The following SORCS1 variants were observed in gnomAD, a reference collection of about 807,000 sequenced individuals.
SORCS1 encodes the protein sortilin related VPS10 domain containing receptor 1, also known as VPS10 domain-containing receptor SorCS1.
SORCS1 carries 60 observed loss-of-function variants against 146.1 expected under a neutral mutation model. The observed-to-expected ratio is 0.41, with a 90% CI of 0.33 to 0.51. The LOEUF is 0.51. Ranked by LOEUF, SORCS1 falls within the 20% of genes least tolerant of loss-of-function variation. SORCS1 has a pLI of 0.21. For missense variants in SORCS1, 1,352 were observed against 1,487.6 expected, an observed-to-expected ratio of 0.91 and a Z score of 1.50; for synonymous variants, 637 against 584.0, an observed-to-expected ratio of 1.09 and a Z score of -1.31.
intron 1 of SORCS1, among the ~76,000 whole-genome samples, chr10:107,012,533 T>TG (rs1564924835): frequency 6.6e-6 from 1 of 152,220 alleles, no homozygotes; most frequent in African/African-American, 2.4e-5. Flanking sequence ...ATGAGAAAGA[T>TG]ATCATCATCC....
At chr10:106,928,452 C>T (rs778471812) in intron 2 of SORCS1, among the ~76,000 whole-genome samples, 16 of 152,226 alleles carry the variant, frequency 1.1e-4, no homozygotes, top group African/African-American at 1.9e-4. Flanking sequence ...CCGAGCACAG[C>T]CCCGGTTTCC....
chr10:107,026,342 G>A (rs1031003231), intron 1 of SORCS1, among the ~76,000 whole-genome samples: 3 of 152,130 alleles, frequency 2.0e-5, no homozygotes. Flanking sequence ...GGTTTTGGCC[G>A]GGCATGGTGG....
At chr10:106,607,360 GT>G in intron 22 of SORCS1, 63 bp from the exon 23 acceptor site, 1 of 1,593,264 alleles carries the variant, frequency 6.3e-7, no homozygotes, top group African/African-American at 1.3e-5. Flanking sequence ...AAGGGACCAA[GT>G]ATTTGGTGGG....
chr10:106,814,388 A>C (rs1020100186), intron 3 of SORCS1, among the ~76,000 whole-genome samples: 2 of 152,226 alleles, frequency 1.3e-5, no homozygotes, highest in African/African-American at 4.8e-5. Flanking sequence ...CAGACAAGAA[A>C]ACTGGAGCAA....
intron 21 of SORCS1, among the ~76,000 whole-genome samples, chr10:106,617,505 ATTTTT>A (rs11352515): frequency 1.3e-4 from 20 of 152,004 alleles, no homozygotes; most frequent in Middle Eastern, 3.4e-3. Flanking sequence ...TCCATCAAGT[ATTTTT>A]TTTATTTCCA....
chr10:107,086,113 C>T (rs185833978), intron 1 of SORCS1, among the ~76,000 whole-genome samples: 2 of 152,156 alleles, frequency 1.3e-5, no homozygotes, highest in South Asian at 4.1e-4. Flanking sequence ...TGTGTAATCT[C>T]GTCTAAGCAC....
At chr10:106,641,743 G>C (rs180746098) in intron 18 of SORCS1, among the ~76,000 whole-genome samples, 1 of 152,100 alleles carries the variant, frequency 6.6e-6, no homozygotes, top group East Asian at 1.9e-4. Flanking sequence ...TAGTTTACTG[G>C]CGGATGCCAA....
intron 1 of SORCS1, among the ~76,000 whole-genome samples, chr10:107,082,084 G>A (rs1202358371): frequency 1.3e-5 from 2 of 152,194 alleles, no homozygotes; most frequent in African/African-American, 2.4e-5. Context: ...AATTTGTTGT[G>A]AATAGCCTAG....
At chr10:107,128,286 G>A (rs1966823314) in intron 1 of SORCS1, among the ~76,000 whole-genome samples, 1 of 152,122 alleles carries the variant, frequency 6.6e-6, no homozygotes, top group Non-Finnish European at 1.5e-5. Context: ...AAAGAAACAA[G>A]AGATTAAAGT....
At chr10:106,719,182 G>A (rs1855603712) in intron 6 of SORCS1, among the ~76,000 whole-genome samples, 1 of 152,160 alleles carries the variant, frequency 6.6e-6, no homozygotes, top group South Asian at 2.1e-4. Flanking sequence ...AAGCAAGCAA[G>A]AATGAAAAGT....
intron 2 of SORCS1, among the ~76,000 whole-genome samples, chr10:106,898,198 A>C (rs1951559749): frequency 6.6e-6 from 1 of 152,210 alleles, no homozygotes; most frequent in South Asian, 2.1e-4. Context: ...AACTGTCTCC[A>C]TGTTTCTAAT....
At chr10:106,727,076 ACT>A (rs1023025302) in intron 6 of SORCS1, among the ~76,000 whole-genome samples, 7 of 144,516 alleles carry the variant, frequency 4.8e-5, no homozygotes, top group Admixed American at 1.4e-4. Context: ...ACAGAGCGAG[ACT>A]CTGTCTCAAA....
intron 21 of SORCS1, among the ~76,000 whole-genome samples, chr10:106,617,505 ATTT>A (rs11352515): frequency 6.6e-6 from 1 of 151,886 alleles, no homozygotes; most frequent in Non-Finnish European, 1.5e-5. Context: ...TCCATCAAGT[ATTT>A]TTTTTATTTC....
chr10:106,872,747 A>G (rs533675389), intron 2 of SORCS1, among the ~76,000 whole-genome samples: 2 of 152,310 alleles, frequency 1.3e-5, no homozygotes, highest in South Asian at 4.1e-4. Flanking sequence ...TGAGGTACCA[A>G]AAGACAAAAT....
At chr10:106,818,785 A>G (rs1947871159) in intron 3 of SORCS1, among the ~76,000 whole-genome samples, 1 of 152,220 alleles carries the variant, frequency 6.6e-6, no homozygotes, top group Non-Finnish European at 1.5e-5. Flanking sequence ...TGTGGACACT[A>G]GTTTCTCATA....
chr10:106,872,074 A>T (rs575107142), intron 2 of SORCS1, among the ~76,000 whole-genome samples: 8 of 152,272 alleles, frequency 5.3e-5, no homozygotes, highest in Non-Finnish European at 1.0e-4. Flanking sequence ...TAGTGGAAAT[A>T]GAGTATGAAC....
intron 4 of SORCS1, among the ~76,000 whole-genome samples, chr10:106,762,618 C>T (rs1049292910): frequency 2.0e-5 from 3 of 151,470 alleles, no homozygotes; most frequent in South Asian, 2.1e-4. Context: ...AGGATGGTCT[C>T]GATCTCCTGA....
At chr10:106,613,654 C>G (rs1411742335) in intron 21 of SORCS1, among the ~76,000 whole-genome samples, 1 of 152,198 alleles carries the variant, frequency 6.6e-6, no homozygotes, top group African/African-American at 2.4e-5. Flanking sequence ...CCTTACCCAG[C>G]ATAGTGTTTG....
intron 2 of SORCS1, among the ~76,000 whole-genome samples, chr10:106,852,943 T>A (rs186465781): frequency 1.3e-5 from 2 of 152,276 alleles, no homozygotes; most frequent in East Asian, 3.9e-4. Flanking sequence ...TTTCTCCTAA[T>A]GTCATTGGGT....
Sources: allele counts gnomAD v4.1 joint callset (sites outside exome capture counted in the v4.1 genomes callset), GRCh38; gene constraint gnomAD v4.1.1; transcripts MANE v1.5; gene names NCBI Gene and HGNC (gene_info 2026-07-23, HGNC 2026-07-21).